The following GTF3C5 variants were observed in gnomAD, a reference collection of about 807,000 sequenced individuals.
GTF3C5 encodes general transcription factor 3C polypeptide 5.
A neutral mutation model predicts 61.0 loss-of-function variants in GTF3C5; 47 were observed. That is an observed-to-expected ratio of 0.77 (90% CI 0.61 to 0.98). GTF3C5 has a LOEUF of 0.98. Among genes scored for constraint, GTF3C5 ranks in the 50% least tolerant of loss-of-function variants. The pLI, the probability that GTF3C5 is intolerant of heterozygous loss-of-function variation, is 0.00. For synonymous variants in GTF3C5, 295 were observed against 275.4 expected (o/e 1.07, Z -0.71); for missense variants, 659 against 703.3 (o/e 0.94, Z 0.71).
intron 6 of GTF3C5, 77 bp downstream of exon 6, chr9:133,054,019 A>G (rs765159750): frequency 5.3e-6 from 5 of 945,994 alleles, no homozygotes; most frequent in Non-Finnish European, 8.2e-6. Context: ...CTTTTGTAGT[A>G]AGAATCTTTT....
intron 5 of GTF3C5, 21 bp downstream of exon 5, chr9:133,052,185 C>T (rs772363086): frequency 7.3e-7 from 1 of 1,364,280 alleles, no homozygotes; most frequent in Non-Finnish European, 1.0e-6. Context: ...GCTGCCCACC[C>T]ACCTGCCTTG....
At chr9:133,034,999 T>C (rs1849827763) in intron 1 of GTF3C5, among the ~76,000 whole-genome samples, 1 of 152,140 alleles carries the variant, frequency 6.6e-6, no homozygotes, top group African/African-American at 2.4e-5. Context: ...AAGACTAATT[T>C]GGTTAAGTGA....
chr9:133,056,617 C>A, intron 9 of GTF3C5, 149 bp from the exon 10 acceptor site: 1 of 674,684 alleles, frequency 1.5e-6, no homozygotes, highest in Non-Finnish European at 2.4e-6. Flanking sequence ...GAACACACAG[C>A]TTGTGTTTCC....
At chr9:133,051,685 G>A (rs549310119) in intron 4 of GTF3C5, among the ~76,000 whole-genome samples, 1 of 152,306 alleles carries the variant, frequency 6.6e-6, no homozygotes, top group African/African-American at 2.4e-5. Flanking sequence ...CAGCCCTGAC[G>A]ATGTCCCACC....
rs756269548 is a variant in GTF3C5, at chr9:133,056,758, A to C, written c.1251-8A>C. 3 of 1,587,846 alleles carry C rather than the reference A, an allele frequency of 1.9e-6. No homozygotes were observed. The highest frequency in any genetic ancestry group is 2.6e-6 in the Non-Finnish European group (3 of 1,166,486). ...GACTTTATGTCCCAACCCTCTCCCC[A>C]CCCCCAGGTTGCAGAAGATCATTCA... is the stretch of plus-strand genomic sequence containing the variant. On this transcript the variant is annotated splice_polypyrimidine_tract_variant and splice_region_variant and intron_variant, in intron 9 of 10. Coordinates refer to ENST00000372097, the MANE Select transcript of GTF3C5 (RefSeq NM_012087.4).
chr9:133,053,447 T>C (rs1479020699), intron 5 of GTF3C5, among the ~76,000 whole-genome samples: 1 of 152,076 alleles, frequency 6.6e-6, no homozygotes, highest in East Asian at 1.9e-4. Context: ...TAGCTGGGTG[T>C]GGTGGCTCGT....
chr9:133,033,998 G>A (rs1018290844), intron 1 of GTF3C5, among the ~76,000 whole-genome samples: 4 of 152,026 alleles, frequency 2.6e-5, no homozygotes, highest in African/African-American at 7.3e-5. Flanking sequence ...GTTTTTAACC[G>A]CCGATGGTCC....
rs556679063 is a variant in GTF3C5, at chr9:133,037,455, C to G, written c.154-4632C>G. On this transcript the variant is annotated intron_variant, in intron 1 of 10. Coordinates refer to ENST00000372097, the MANE Select transcript of GTF3C5 (RefSeq NM_012087.4). ...ATAGGTTTTAGGCCTATTCTGCCTT[C>G]TAAGGGGATGGGATATTGCTTCCTT... Among the ~76,000 whole-genome samples, 3 of 152,290 alleles carry G rather than the reference C, an allele frequency of 2.0e-5. No individual in the cohort carries two copies. In the East Asian group the frequency reaches 5.8e-4, roughly 29 times the overall value.
intron 1 of GTF3C5, among the ~76,000 whole-genome samples, chr9:133,035,019 G>A (rs987093017): frequency 6.6e-6 from 1 of 152,166 alleles, no homozygotes; most frequent in Non-Finnish European, 1.5e-5. Flanking sequence ...ACTCTTCAGA[G>A]TTTGGTTCAT....
At chr9:133,043,693 C>T (rs1850105623) in intron 2 of GTF3C5, 35 bp from the exon 3 acceptor site, 1 of 1,560,280 alleles carries the variant, frequency 6.4e-7, no homozygotes, top group Non-Finnish European at 8.8e-7. Flanking sequence ...CATTCCTGGA[C>T]TCAATGTCTG....
rs1403492267 is a variant in GTF3C5 at position 133,057,810 on chromosome 9, C to T, written c.1394-4C>T. Reference sequence around the variant, plus strand: ...ACCCATGGCCTTGTCTCCTCCGGCCCCAGCTCTCTTTTCCAGCTCAGCCAA... The same window carrying T: ...ACCCATGGCCTTGTCTCCTCCGGCCTCAGCTCTCTTTTCCAGCTCAGCCAA... On this transcript the variant is annotated splice_polypyrimidine_tract_variant and splice_region_variant and intron_variant, in intron 10 of 10. Coordinates refer to ENST00000372097, the MANE Select transcript of GTF3C5 (RefSeq NM_012087.4). The T allele has an allele frequency of 1.3e-6, 2 of 1,595,630 alleles. No individual in the cohort carries two copies. The highest frequency in any genetic ancestry group is 3.4e-5 in the Admixed American group (2 of 58,672).
In GTF3C5 at chr9:133,056,879, T is replaced by C; in HGVS notation, c.1364T>C (p.Ile455Thr). 1 of 1,607,756 alleles carries C rather than the reference T, an allele frequency of 6.2e-7. No individual in the cohort carries two copies. The highest frequency in any genetic ancestry group is 8.5e-7 in the Non-Finnish European group (1 of 1,177,122). Reference protein sequence around the residue: ...DELRDTMSLMIRQTIRSKRPA... With the variant: ...DELRDTMSLMTRQTIRSKRPA... ...CTCAGGGACACCATGTCCCTCATGA[T>C]CCGGCAGACCATCCGCTCCAAGAGG... The change falls in exon 10 of 11, where the codon ATC (isoleucine) becomes ACC (threonine). Residue 455 changes from isoleucine (I) to threonine (T), a missense_variant. Transcript: ENST00000372097.
At chr9:133,048,064 A>C (rs1166011923) in intron 3 of GTF3C5, among the ~76,000 whole-genome samples, 1 of 152,158 alleles carries the variant, frequency 6.6e-6, no homozygotes, top group Non-Finnish European at 1.5e-5. Flanking sequence ...GGGAGGTCAA[A>C]GCTGCAGTGA....
In GTF3C5 at chr9:133,050,925, A is replaced by G; in HGVS notation, c.715A>G (p.Arg239Gly). ...QPLEAAAQTWRRVCTNPVDRK... is the reference protein window; with the variant it reads ...QPLEAAAQTWGRVCTNPVDRK... ...ACTGGAGGCTGCAGCCCAGACGTGG[A>G]GGAGAGTCTGCACTAACCCCGTGGA... is the stretch of plus-strand genomic sequence containing the variant. The change falls in exon 4 of 11, where the codon AGG (arginine) becomes GGG (glycine). Residue 239 changes from arginine (R) to glycine (G), a missense_variant. Physicochemically the swap from Arg to Gly is moderately radical, Grantham distance 125. Transcript: ENST00000372097. 6.2e-7 allele frequency: 1 copy of G among 1,613,726 alleles called. No individual in the cohort carries two copies. The highest frequency in any genetic ancestry group is 8.5e-7 in the Non-Finnish European group (1 of 1,179,864).
chr9:133,056,936 C>A, intron 10 of GTF3C5, 28 bp downstream of exon 10: 1 of 1,548,702 alleles, frequency 6.5e-7, no homozygotes, highest in Non-Finnish European at 8.7e-7. Flanking sequence ...TAAAGGGGGT[C>A]CAGGATGCCT....
intron 2 of GTF3C5, among the ~76,000 whole-genome samples, chr9:133,043,086 G>A (rs758658769): frequency 7.9e-5 from 12 of 152,174 alleles, no homozygotes; most frequent in Non-Finnish European, 1.6e-4. Context: ...ATTGAGAAGG[G>A]CAAAGAGGAC....
intron 1 of GTF3C5, among the ~76,000 whole-genome samples, chr9:133,041,492 G>C (rs551418517): frequency 2.6e-4 from 39 of 152,306 alleles, no homozygotes; most frequent in African/African-American, 8.9e-4. Flanking sequence ...TCGGCTGCCA[G>C]GCAGGTAAGG....
chr9:133,048,135 A>T (rs961889722), intron 3 of GTF3C5, among the ~76,000 whole-genome samples: 1 of 150,206 alleles, frequency 6.7e-6, no homozygotes. Context: ...TTTTAAAAAA[A>T]AAAAGTGGTT....
rs769157658 is a variant in GTF3C5 at position 133,043,855 on chromosome 9, C to T, written c.501C>T (p.Tyr167=). Residue 167 remains tyrosine (Y), a synonymous_variant, in exon 3 of 11, where the codon TAC becomes TAT. Coordinates refer to ENST00000372097, the MANE Select transcript of GTF3C5 (RefSeq NM_012087.4). ...TTTTCCACCAGGAGCTGCCGCTCTA[C>T]ATCCCCCCACCCATCTTCTCCCGGC... ...EAFFHQELPL[Y]IPPPIFSRLD... 15 of 1,613,992 alleles carry T rather than the reference C, an allele frequency of 9.3e-6. No individual in the cohort carries two copies. Among genetic ancestry groups the T allele is most frequent in the Non-Finnish European group, 1.7e-6 (2 of 1,179,956 alleles).
Sources: allele counts gnomAD v4.1 joint callset (sites outside exome capture counted in the v4.1 genomes callset), GRCh38; gene constraint gnomAD v4.1.1; transcripts MANE v1.5; gene names NCBI Gene and HGNC (gene_info 2026-07-23, HGNC 2026-07-21).